The following BBS9 variants were observed in gnomAD, a reference collection of about 807,000 sequenced individuals.
BBS9 encodes the protein Bardet-Biedl syndrome 9, also known as protein PTHB1.
Under a neutral mutation model 117.7 loss-of-function variants are expected in BBS9, and 89 were observed. The observed-to-expected ratio is 0.76, with a 90% CI of 0.64 to 0.90. BBS9 has a LOEUF of 0.90. Ranked by LOEUF, BBS9 falls within the 40% of genes least tolerant of loss-of-function variation. The pLI, the probability that BBS9 is intolerant of heterozygous loss-of-function variation, is 0.00. For missense variants in BBS9, 982 were observed against 1,042.2 expected (o/e 0.94, Z 0.80); for synonymous variants, 379 against 370.9 (o/e 1.02, Z -0.25).
intron 9 of BBS9, among the ~76,000 whole-genome samples, chr7:33,329,716 A>C (rs1035819769): frequency 6.6e-6 from 1 of 152,184 alleles, no homozygotes; most frequent in East Asian, 1.9e-4. Context: ...GATTATAACA[A>C]ATTTACATTG....
At chr7:33,182,857 C>T (rs1798279258) in intron 5 of BBS9, among the ~76,000 whole-genome samples, 1 of 152,086 alleles carries the variant, frequency 6.6e-6, no homozygotes, top group African/African-American at 2.4e-5. Flanking sequence ...AAACAGATCC[C>T]CCAAAATTAA....
chr7:33,262,097 G>A (rs998635677), intron 6 of BBS9, among the ~76,000 whole-genome samples: 1 of 152,114 alleles, frequency 6.6e-6, no homozygotes. Flanking sequence ...GCTCTTGTAA[G>A]TTTGTCATCA....
chr7:33,534,223 A>C (rs1417274909), intron 21 of BBS9, 47 bp downstream of exon 21: 1 of 1,559,942 alleles, frequency 6.4e-7, no homozygotes. Context: ...ACTTCTCCTA[A>C]ATTAGAGGAA....
In BBS9 at chr7:33,604,906, T is replaced by A. The variant is rs1864353379; in HGVS notation, c.2563T>A (p.Ser855Thr). 6.2e-7 allele frequency: 1 copy of A among 1,613,702 alleles called. No individual in the cohort carries two copies. Among genetic ancestry groups the A allele is most frequent in the Non-Finnish European group, 8.5e-7 (1 of 1,179,688 alleles). Residue 855 changes from serine to threonine, a missense_variant, in exon 22 of 23, where the codon TCA (serine) becomes ACA (threonine). Physicochemically the swap from Ser to Thr is moderately conservative, Grantham distance 58. Transcript: ENST00000242067. The part of the protein sequence containing the change: ...TIPESDLEER[S>T]VEQDSTELFT... ...CCCAGAGTCAGACCTAGAAGAAAGA[T>A]CAGTAGAACAAGACTCTACAGAACT...
At chr7:33,498,780 G>C (rs536169743) in intron 19 of BBS9, among the ~76,000 whole-genome samples, 2 of 152,080 alleles carry the variant, frequency 1.3e-5, no homozygotes, top group African/African-American at 2.4e-5. Context: ...CATTTGAGTT[G>C]TTTCTACTTT....
At chr7:33,497,903 C>A (rs1296393323) in intron 19 of BBS9, among the ~76,000 whole-genome samples, 5 of 152,162 alleles carry the variant, frequency 3.3e-5, no homozygotes. Flanking sequence ...CTTCCTTTTT[C>A]AATGTCATTA....
At chr7:33,472,099 T>G (rs796248796) in intron 19 of BBS9, among the ~76,000 whole-genome samples, 31 of 152,330 alleles carry the variant, frequency 2.0e-4, no homozygotes, top group African/African-American at 7.5e-4. Flanking sequence ...TTCTGTAGGC[T>G]CTGACTGAGA....
At chr7:33,157,839 A>T (rs898167812) in intron 4 of BBS9, 1 of 121,502 alleles carries the variant, frequency 8.2e-6, no homozygotes, top group African/African-American at 3.2e-5. Flanking sequence ...ATGTGTCATC[A>T]AATGTATGCT....
At chr7:33,137,327 C>T (rs947942042) in intron 1 of BBS9, among the ~76,000 whole-genome samples, 22 of 152,092 alleles carry the variant, frequency 1.4e-4, no homozygotes, top group East Asian at 3.9e-4. Context: ...GCTTCCCGGG[C>T]CCCCGACAGT....
intron 5 of BBS9, 37 bp from the exon 6 acceptor site, chr7:33,257,199 A>G (rs1797212209): frequency 7.3e-7 from 1 of 1,376,078 alleles, no homozygotes; most frequent in East Asian, 2.5e-5. Flanking sequence ...ATTTATAAAA[A>G]GAATAGATTA....
chr7:33,271,397 A>G (rs949872579), intron 7 of BBS9, among the ~76,000 whole-genome samples: 9 of 152,174 alleles, frequency 5.9e-5, no homozygotes, highest in Admixed American at 5.9e-4. Flanking sequence ...AGGCTAAATG[A>G]CCCATTTAAA....
intron 21 of BBS9, among the ~76,000 whole-genome samples, chr7:33,552,700 C>T (rs1406146663): frequency 6.6e-6 from 1 of 152,136 alleles, no homozygotes; most frequent in African/African-American, 2.4e-5. Flanking sequence ...TGCTTAAGCT[C>T]CAATCTCATC....
In BBS9 at chr7:33,312,756, C is replaced by G. The variant is rs17170182; in HGVS notation, c.1017-23685C>G. Among the ~76,000 whole-genome samples, 2,328 of 152,150 alleles carry G rather than the reference C, an allele frequency of 0.015. 185 individuals are homozygous for G. The East Asian group carries it at 0.26, about 17-fold the overall frequency. ...AACACCTTTACAAATTATACTTGTTCTTCTGGGTTCAATTTGACTCTTAAT... is the reference window on the plus strand; with the variant it reads ...AACACCTTTACAAATTATACTTGTTGTTCTGGGTTCAATTTGACTCTTAAT... On this transcript the variant is annotated intron_variant, in intron 9 of 22. Transcript: ENST00000242067.
At chr7:33,443,127 T>C (rs756590619) in intron 19 of BBS9, among the ~76,000 whole-genome samples, 1 of 152,162 alleles carries the variant, frequency 6.6e-6, no homozygotes, top group South Asian at 2.1e-4. Context: ...ACTGGCACCA[T>C]TACCAAGAAT....
intron 5 of BBS9, among the ~76,000 whole-genome samples, chr7:33,193,113 G>A (rs1784391198): frequency 6.6e-6 from 1 of 152,148 alleles, no homozygotes; most frequent in East Asian, 1.9e-4. Context: ...ACTGGTTGTT[G>A]GAGATTTGGT....
chr7:33,506,051 A>G (rs923357693), intron 20 of BBS9, among the ~76,000 whole-genome samples: 3 of 152,188 alleles, frequency 2.0e-5, no homozygotes, highest in Non-Finnish European at 4.4e-5. Context: ...AAGGTTAGAG[A>G]GAATGGAGAT....
intron 17 of BBS9, among the ~76,000 whole-genome samples, chr7:33,370,449 A>G (rs972582905): frequency 6.6e-6 from 1 of 152,140 alleles, no homozygotes; most frequent in Non-Finnish European, 1.5e-5. Flanking sequence ...CAACCTGCGC[A>G]ACAGAGTGAG....
intron 9 of BBS9, among the ~76,000 whole-genome samples, chr7:33,288,470 A>G (rs1803342540): frequency 6.6e-6 from 1 of 152,216 alleles, no homozygotes; most frequent in Admixed American, 6.5e-5. Context: ...AACGTTGAAT[A>G]ATGTAACATG....
chr7:33,475,797 G>A (rs551795022), intron 19 of BBS9, among the ~76,000 whole-genome samples: 69 of 152,214 alleles, frequency 4.5e-4, no homozygotes, highest in African/African-American at 1.6e-3. Flanking sequence ...AAGAAAGAGC[G>A]AGAGGAATGA....
Sources: allele counts gnomAD v4.1 joint callset (sites outside exome capture counted in the v4.1 genomes callset), GRCh38; gene constraint gnomAD v4.1.1; transcripts MANE v1.5; gene names NCBI Gene and HGNC (gene_info 2026-07-23, HGNC 2026-07-21).